PRKCH: variants seen among roughly 807,000 people sequenced by gnomAD.
The protein encoded by PRKCH is protein kinase C eta type.
In PRKCH, 28 loss-of-function variants were observed where a neutral mutation model predicts 82.5. That is an observed-to-expected ratio of 0.34 (90% confidence interval 0.25 to 0.47). The LOEUF (loss-of-function observed/expected upper bound fraction) is 0.47, where lower values mean the gene tolerates loss of function less well. PRKCH is among the 20% of genes least tolerant of loss of function. The probability of loss-of-function intolerance (pLI) is 1.00; values close to 1 mark genes in which losing one functional copy is unlikely to be tolerated. For synonymous variants in PRKCH, 322 were observed against 327.4 expected (o/e 0.98, Z 0.18); for missense variants, 705 against 881.8 (o/e 0.80, Z 2.54).
At chr14:61,325,446 A>C (rs2045682894) in intron 1 of PRKCH, among the ~76,000 whole-genome samples, 1 of 152,208 alleles carries the variant, frequency 6.6e-6, no homozygotes, top group Admixed American at 6.5e-5. Context: ...CTTGACACTT[A>C]CCTCACATCC....
At chr14:61,397,991 G>A (rs1393347501) in intron 2 of PRKCH, among the ~76,000 whole-genome samples, 1 of 152,150 alleles carries the variant, frequency 6.6e-6, no homozygotes, top group East Asian at 1.9e-4. Context: ...ATTATCAACT[G>A]GATCAGAAAC....
At position 61,454,395 on chromosome 14, in the gene PRKCH, G is replaced by T. The variant is rs140325625; in HGVS notation, c.960+1042G>T. 4.7e-4 allele frequency among the ~76,000 whole-genome samples: 72 copies of T among 152,204 alleles called. 1 individual carries two copies. In the East Asian group the frequency reaches 0.014, roughly 29 times the overall value. On this transcript the variant is annotated intron_variant, in intron 7 of 13. Transcript: ENST00000332981. ...TGGAATTACAGGCATGAGCTGCCAC[G>T]CCCAGCCTTTCTTTTCTGTTTTAAA...
intron 1 of PRKCH, among the ~76,000 whole-genome samples, chr14:61,222,767 G>C (rs1425830995): frequency 6.6e-6 from 1 of 152,186 alleles, no homozygotes; most frequent in African/African-American, 2.4e-5. Context: ...AACTCTGCAT[G>C]GACAAAAAGC....
chr14:61,293,397 G>A (rs75724133), intron 1 of PRKCH, among the ~76,000 whole-genome samples: 6,129 of 152,298 alleles, frequency 0.04, 175 homozygotes, highest in Non-Finnish European at 0.063. Context: ...AGGTCTTCCA[G>A]AAGCAGAGAA....
rs1594722745 is a variant in PRKCH, at chr14:61,453,463, A to G, written c.960+110A>G. The G allele has an allele frequency of 6.9e-6, 8 of 1,167,708 alleles. No homozygotes were observed. The Admixed American group carries it at 9.3e-5, about 14-fold the overall frequency. The allele number at this position is 1,167,708 out of a possible 1,614,324, so 72.3% of individuals were successfully genotyped here. On this transcript the variant is annotated intron_variant, in intron 7 of 13. Coordinates refer to ENST00000332981, the MANE Select transcript of PRKCH (RefSeq NM_006255.5). Reference sequence around the variant, plus strand: ...AAAGTTCCTAATCTTAGCAAATACAATAAACAGACTTATTGCCTTTCTTTC... The same window carrying G: ...AAAGTTCCTAATCTTAGCAAATACAGTAAACAGACTTATTGCCTTTCTTTC...
At chr14:61,302,570 T>A (rs1248000921) in intron 1 of PRKCH, among the ~76,000 whole-genome samples, 2 of 152,216 alleles carry the variant, frequency 1.3e-5, no homozygotes, top group African/African-American at 4.8e-5. Flanking sequence ...CATCCACAAA[T>A]TTTGATTTTT....
At chr14:61,326,532 T>C (rs1229922116) in intron 1 of PRKCH, among the ~76,000 whole-genome samples, 2 of 152,232 alleles carry the variant, frequency 1.3e-5, no homozygotes, top group Non-Finnish European at 2.9e-5. Context: ...TATATACATA[T>C]GTCAAAGCTT....
chr14:61,536,482 G>A (rs191999148), intron 12 of PRKCH, among the ~76,000 whole-genome samples: 1 of 152,272 alleles, frequency 6.6e-6, no homozygotes, highest in Admixed American at 6.5e-5. Flanking sequence ...GACCTTCACA[G>A]TGCCTCTCTC....
intron 1 of PRKCH, among the ~76,000 whole-genome samples, chr14:61,380,918 C>A (rs914351123): frequency 6.6e-6 from 1 of 152,082 alleles, no homozygotes; most frequent in African/African-American, 2.4e-5. Context: ...ATGCTAGAAC[C>A]TGGGGGTACT....
intron 2 of PRKCH, among the ~76,000 whole-genome samples, chr14:61,424,790 T>C (rs1288692115): frequency 6.6e-6 from 1 of 152,198 alleles, no homozygotes; most frequent in Non-Finnish European, 1.5e-5. Flanking sequence ...CCCCTCCCAT[T>C]ACAGGCCCCG....
intron 2 of PRKCH, among the ~76,000 whole-genome samples, chr14:61,429,424 G>A (rs1282297341): frequency 2.6e-5 from 4 of 152,308 alleles, no homozygotes; most frequent in South Asian, 2.1e-4. Flanking sequence ...ATATGCTCTC[G>A]TCCACTGTTT....
intron 1 of PRKCH, among the ~76,000 whole-genome samples, chr14:61,347,080 G>T (rs1216366427): frequency 6.6e-6 from 1 of 152,132 alleles, no homozygotes; most frequent in Non-Finnish European, 1.5e-5. Flanking sequence ...CTTTGAAATT[G>T]CAAGTTGACG....
intron 10 of PRKCH, among the ~76,000 whole-genome samples, chr14:61,488,314 C>A (rs1886317768): frequency 6.6e-6 from 1 of 152,160 alleles, no homozygotes. Context: ...CAGAGCAAGA[C>A]CCTGAGTGTC....
intron 13 of PRKCH, 122 bp downstream of exon 13, chr14:61,548,008 G>A (rs2043281427): frequency 1.5e-6 from 2 of 1,302,574 alleles, no homozygotes; most frequent in East Asian, 2.4e-5. Context: ...GCTGGATACT[G>A]CACAGGGCAG....
chr14:61,263,145 C>T (rs1387340067), intron 1 of PRKCH, among the ~76,000 whole-genome samples: 1 of 152,178 alleles, frequency 6.6e-6, no homozygotes, highest in African/African-American at 2.4e-5. Context: ...AACCAGTTAT[C>T]TCCCTATTTG....
chr14:61,513,002 A>G (rs989651067), intron 10 of PRKCH, among the ~76,000 whole-genome samples: 2 of 152,164 alleles, frequency 1.3e-5, no homozygotes, highest in African/African-American at 4.8e-5. Flanking sequence ...AAAATTTTAT[A>G]GAGACAGGGT....
At chr14:61,463,612 C>T (rs1006326413) in intron 9 of PRKCH, among the ~76,000 whole-genome samples, 4 of 152,022 alleles carry the variant, frequency 2.6e-5, no homozygotes, top group African/African-American at 4.8e-5. Flanking sequence ...AATGTATACT[C>T]CTGGATCTGT....
chr14:61,466,783 CT>C (rs1160670590), intron 9 of PRKCH, among the ~76,000 whole-genome samples: 5 of 152,294 alleles, frequency 3.3e-5, no homozygotes, highest in Admixed American at 3.3e-4. Flanking sequence ...ATGCCGGTCG[CT>C]TTTGCCTCCT....
At chr14:61,209,270 G>A (rs541358100) in intron 1 of PRKCH, among the ~76,000 whole-genome samples, 10 of 132,172 alleles carry the variant, frequency 7.6e-5, no homozygotes, top group Admixed American at 2.5e-4. Context: ...GTGGTATTCT[G>A]TTACAACAAT....
Sources: gnomAD v4.1 joint callset for allele counts (sites outside exome capture counted in the v4.1 genomes callset) on GRCh38, gnomAD v4.1.1 for gene constraint, MANE v1.5 for transcripts, NCBI Gene and HGNC (gene_info 2026-07-23, HGNC 2026-07-21) for gene names.